Variants in RBFOX1 observed in about 807,000 individuals in gnomAD.
The protein encoded by RBFOX1 is RNA binding fox-1 homolog 1.
RBFOX1 carries 8 observed loss-of-function variants against 57.7 expected under a neutral mutation model. The observed-to-expected ratio is 0.14, with a 90% CI of 0.08 to 0.25. RBFOX1 has a LOEUF of 0.25. Among genes scored for constraint, RBFOX1 ranks in the 10% least tolerant of loss-of-function variants. The probability of loss-of-function intolerance (pLI) is 1.00; values close to 1 mark genes in which losing one functional copy is unlikely to be tolerated. For synonymous variants in RBFOX1, 326 were observed against 222.4 expected, an observed-to-expected ratio of 1.47 and a Z score of -4.15; for missense variants, 611 against 548.5, an observed-to-expected ratio of 1.11 and a Z score of -1.14.
chr16:5,428,739 A>G (rs1210246581), intron 1 of RBFOX1, among the ~76,000 whole-genome samples: 1 of 152,184 alleles, frequency 6.6e-6, no homozygotes, highest in Non-Finnish European at 1.5e-5. Flanking sequence ...AGAGGAGGCC[A>G]GGAGGTTTCT....
intron 3 of RBFOX1, among the ~76,000 whole-genome samples, chr16:6,671,114 C>G (rs1167762102): frequency 3.3e-5 from 5 of 152,086 alleles, no homozygotes; most frequent in Admixed American, 3.3e-4. Flanking sequence ...TTCTTTTGAC[C>G]CAATCTTACT....
chr16:6,978,060 C>G (rs1250276334), intron 3 of RBFOX1, among the ~76,000 whole-genome samples: 1 of 151,930 alleles, frequency 6.6e-6, no homozygotes, highest in Non-Finnish European at 1.5e-5. Context: ...CTAACCTGCC[C>G]CGTACCCCGC....
chr16:7,175,089 T>A (rs1392765984), intron 4 of RBFOX1, among the ~76,000 whole-genome samples: 1 of 152,110 alleles, frequency 6.6e-6, no homozygotes, highest in African/African-American at 2.4e-5. Context: ...ATGTGCACGT[T>A]TGTTACATAG....
chr16:7,358,673 G>T (rs916712762), intron 4 of RBFOX1, among the ~76,000 whole-genome samples: 8 of 152,128 alleles, frequency 5.3e-5, no homozygotes, highest in Non-Finnish European at 1.0e-4. Flanking sequence ...ACCCACCTCG[G>T]CCTCCCAAAG....
At chr16:6,321,487 C>A (rs1352084932) in intron 2 of RBFOX1, among the ~76,000 whole-genome samples, 1 of 152,124 alleles carries the variant, frequency 6.6e-6, no homozygotes, top group Non-Finnish European at 1.5e-5. Flanking sequence ...TTGAATTTAC[C>A]CTTGATCCAG....
chr16:6,144,037 G>C (rs1366738804), intron 1 of RBFOX1, among the ~76,000 whole-genome samples: 1 of 151,368 alleles, frequency 6.6e-6, no homozygotes, highest in African/African-American at 2.4e-5. Context: ...GGCCTCCAGT[G>C]ATCCTCTTGC....
intron 2 of RBFOX1, among the ~76,000 whole-genome samples, chr16:5,572,116 A>G (rs79252334): frequency 6.6e-6 from 1 of 151,956 alleles, no homozygotes; most frequent in South Asian, 2.1e-4. Flanking sequence ...CCTTAAATAC[A>G]TGATTTGTTA....
intron 4 of RBFOX1, among the ~76,000 whole-genome samples, chr16:6,004,690 T>A (rs949035126): frequency 6.6e-6 from 1 of 152,228 alleles, no homozygotes; most frequent in Non-Finnish European, 1.5e-5. Context: ...TGAGATAGTG[T>A]CTGACTTTAG....
At chr16:6,948,152 C>T (rs551789156) in intron 3 of RBFOX1, among the ~76,000 whole-genome samples, 1 of 151,968 alleles carries the variant, frequency 6.6e-6, no homozygotes, top group Non-Finnish European at 1.5e-5. Flanking sequence ...TGCCTTTCAG[C>T]CAGGCATGGT....
chr16:7,696,107 C>T (rs1262498635), intron 14 of RBFOX1, among the ~76,000 whole-genome samples: 1 of 152,142 alleles, frequency 6.6e-6, no homozygotes, highest in Non-Finnish European at 1.5e-5. Context: ...CTTTTTCTAG[C>T]CACATGGAAT....
chr16:6,787,965 G>A (rs1439936704), intron 3 of RBFOX1, among the ~76,000 whole-genome samples: 36 of 151,220 alleles, frequency 2.4e-4, no homozygotes, highest in African/African-American at 8.4e-4. Context: ...GCTCATGTCT[G>A]TAATCCCAGC....
intron 3 of RBFOX1, among the ~76,000 whole-genome samples, chr16:6,878,661 T>G (rs1412974888): frequency 6.6e-6 from 1 of 152,118 alleles, no homozygotes; most frequent in Non-Finnish European, 1.5e-5. Context: ...TAGCGTCAGT[T>G]TAATTCAAAG....
intron 4 of RBFOX1, among the ~76,000 whole-genome samples, chr16:7,423,311 C>G (rs953043047): frequency 6.6e-6 from 1 of 151,636 alleles, no homozygotes; most frequent in African/African-American, 2.4e-5. Context: ...ATTTTCTCAC[C>G]AGTTCTAAAC....
At position 5,569,611 on chromosome 16, in the gene RBFOX1, G is replaced by C. The variant is rs547679239; in HGVS notation, c.259-29291G>C. 4.6e-5 allele frequency among the ~76,000 whole-genome samples: 7 copies of C among 152,076 alleles called. No homozygotes were observed. The South Asian group carries it at 8.3e-4, about 18-fold the overall frequency. On this transcript the variant is annotated intron_variant, in intron 2 of 2. Coordinates refer to the RBFOX1 transcript ENST00000585867. ...AGATGAGGAAGCTGAGATTTAGAGAGAGATAAAATAAAGTCCCTAAAGTCA... is the reference window on the plus strand; with the variant it reads ...AGATGAGGAAGCTGAGATTTAGAGACAGATAAAATAAAGTCCCTAAAGTCA...
intron 1 of RBFOX1, among the ~76,000 whole-genome samples, chr16:6,202,008 GT>G (rs1194407386): frequency 6.6e-6 from 1 of 152,088 alleles, no homozygotes; most frequent in Non-Finnish European, 1.5e-5. Context: ...AGAGACCACA[GT>G]TCCCCTCTAC....
At chr16:6,347,226 A>G (rs1199036920) in intron 2 of RBFOX1, among the ~76,000 whole-genome samples, 1 of 152,208 alleles carries the variant, frequency 6.6e-6, no homozygotes, top group Non-Finnish European at 1.5e-5. Flanking sequence ...GATGTGAAGA[A>G]GAGAGTCAAC....
At chr16:6,003,462 C>T (rs2060636738) in intron 4 of RBFOX1, among the ~76,000 whole-genome samples, 3 of 152,060 alleles carry the variant, frequency 2.0e-5, no homozygotes, top group Admixed American at 1.3e-4. Context: ...TTCTCGCCAC[C>T]GCCCACCACC....
intron 11 of RBFOX1, among the ~76,000 whole-genome samples, chr16:7,647,167 C>T (rs1407891674): frequency 6.6e-6 from 1 of 152,182 alleles, no homozygotes; most frequent in Non-Finnish European, 1.5e-5. Context: ...GATGGTTACT[C>T]TACTAACCTC....
chr16:7,599,254 T>A (rs972405866), intron 9 of RBFOX1, among the ~76,000 whole-genome samples: 1 of 152,196 alleles, frequency 6.6e-6, no homozygotes, highest in South Asian at 2.1e-4. Flanking sequence ...AACCTGACGG[T>A]TGGGCATAGT....
Sources: gnomAD v4.1 joint callset for allele counts (sites outside exome capture counted in the v4.1 genomes callset) on GRCh38, gnomAD v4.1.1 for gene constraint, MANE v1.5 for transcripts, NCBI Gene and HGNC (gene_info 2026-07-23, HGNC 2026-07-21) for gene names.